TMEM132D: variants seen among roughly 807,000 people sequenced by gnomAD.
TMEM132D encodes the protein mature OL transmembrane protein.
A neutral mutation model predicts 62.3 loss-of-function variants in TMEM132D; 21 were observed. The observed-to-expected ratio is 0.34, with a 90% CI of 0.24 to 0.49. The LOEUF is 0.49. Ranked by LOEUF, TMEM132D falls within the 20% of genes least tolerant of loss-of-function variation. The pLI, the probability that TMEM132D is intolerant of heterozygous loss-of-function variation, is 0.99. For synonymous variants in TMEM132D, 621 were observed against 575.6 expected (o/e 1.08, Z -1.13); for missense variants, 1,346 against 1,402.8 (o/e 0.96, Z 0.65).
At chr12:129,304,492 C>G (rs770030265) in intron 4 of TMEM132D, among the ~76,000 whole-genome samples, 6 of 151,944 alleles carry the variant, frequency 3.9e-5, no homozygotes, top group Non-Finnish European at 7.4e-5. Context: ...TCCTACAATA[C>G]CATGCAAAGT....
chr12:129,272,686 T>G (rs1367806442), intron 4 of TMEM132D, among the ~76,000 whole-genome samples: 2 of 151,746 alleles, frequency 1.3e-5, no homozygotes, highest in African/African-American at 2.4e-5. Flanking sequence ...ATATTAGACC[T>G]TAATTGGAGG....
intron 1 of TMEM132D, among the ~76,000 whole-genome samples, chr12:129,825,710 C>T (rs144045390): frequency 3.9e-5 from 6 of 152,228 alleles, no homozygotes; most frequent in African/African-American, 1.2e-4. Context: ...GCCCTCGGGA[C>T]GCCCACTGTG....
intron 2 of TMEM132D, among the ~76,000 whole-genome samples, chr12:129,553,219 C>A (rs764354314): frequency 1.3e-5 from 2 of 152,094 alleles, no homozygotes; most frequent in African/African-American, 2.4e-5. Flanking sequence ...ACTGCTGCCC[C>A]GATGCCCAGC....
At chr12:129,742,351 C>T (rs1383500599) in intron 1 of TMEM132D, among the ~76,000 whole-genome samples, 1 of 152,064 alleles carries the variant, frequency 6.6e-6, no homozygotes, top group Non-Finnish European at 1.5e-5. Flanking sequence ...GAAGAGGGAG[C>T]CAACATGTCA....
chr12:129,898,168 C>T (rs981491211), intron 1 of TMEM132D, among the ~76,000 whole-genome samples: 37 of 152,176 alleles, frequency 2.4e-4, no homozygotes, highest in Admixed American at 2.1e-3. Flanking sequence ...AAAGTATTTC[C>T]TGCGGCGCTC....
At chr12:129,582,885 A>G (rs1877914702) in intron 2 of TMEM132D, among the ~76,000 whole-genome samples, 1 of 151,864 alleles carries the variant, frequency 6.6e-6, no homozygotes, top group Non-Finnish European at 1.5e-5. Flanking sequence ...TCGGCCTCCC[A>G]AAGTGCTGGG....
chr12:129,405,459 T>C (rs531623500), intron 3 of TMEM132D, among the ~76,000 whole-genome samples: 1 of 152,200 alleles, frequency 6.6e-6, no homozygotes, highest in East Asian at 1.9e-4. Flanking sequence ...CTATTAGGGA[T>C]TGAACAAATA....
intron 4 of TMEM132D, among the ~76,000 whole-genome samples, chr12:129,311,025 C>T (rs1881960818): frequency 2.1e-5 from 2 of 96,156 alleles, no homozygotes; most frequent in East Asian, 5.1e-4. Flanking sequence ...GGTGAAACCC[C>T]GTCTCTACTA....
chr12:129,854,984 C>T (rs1047484127), intron 1 of TMEM132D: 4 of 152,418 alleles, frequency 2.6e-5, no homozygotes, highest in African/African-American at 7.2e-5. Flanking sequence ...ATGTTTATGC[C>T]CCTCCCCCAA....
intron 5 of TMEM132D, among the ~76,000 whole-genome samples, chr12:129,197,309 G>A (rs1000674898): frequency 1.3e-5 from 2 of 152,126 alleles, no homozygotes; most frequent in Non-Finnish European, 2.9e-5. Flanking sequence ...AGAGTTTGCC[G>A]ACCCCTATTC....
At chr12:129,421,931 G>C (rs1308728805) in intron 3 of TMEM132D, among the ~76,000 whole-genome samples, 2 of 152,082 alleles carry the variant, frequency 1.3e-5, no homozygotes, top group Admixed American at 1.3e-4. Flanking sequence ...GCACAGGTGT[G>C]TGTCTACCAA....
intron 1 of TMEM132D, among the ~76,000 whole-genome samples, chr12:129,708,905 G>GA (rs1881571360): frequency 6.6e-6 from 1 of 152,092 alleles, no homozygotes; most frequent in South Asian, 2.1e-4. Flanking sequence ...ATAATACGTT[G>GA]AAAAACCACA....
Position 129,687,099 on chromosome 12 carries a change from G to GT in TMEM132D, c.968+12710dup, listed in dbSNP as rs529074808. ...TGCAAGGTTGTCCTGAGTACTGTCT[G>GT]TATCAGCCTGCAGAGTCTCCGGGGC... On this transcript the variant is annotated intron_variant, in intron 2 of 8. Transcript: ENST00000422113. Among the ~76,000 whole-genome samples, 12 of 152,296 alleles carry GT rather than the reference G, an allele frequency of 7.9e-5. No individual in the cohort carries two copies. The South Asian group carries it at 2.3e-3, about 29-fold the overall frequency.
intron 2 of TMEM132D, among the ~76,000 whole-genome samples, chr12:129,575,099 T>TA (rs1214154530): frequency 6.6e-6 from 1 of 151,822 alleles, no homozygotes; most frequent in Admixed American, 6.6e-5. Context: ...GAAGATGCTT[T>TA]GCAGAAGGAT....
At chr12:129,099,637 C>T (rs1249249834) in intron 5 of TMEM132D, among the ~76,000 whole-genome samples, 1 of 152,200 alleles carries the variant, frequency 6.6e-6, no homozygotes, top group Non-Finnish European at 1.5e-5. Flanking sequence ...AGTTCCACCT[C>T]CAGACGGCTC....
chr12:129,215,143 G>A (rs1056184179), intron 4 of TMEM132D, among the ~76,000 whole-genome samples: 6 of 152,218 alleles, frequency 3.9e-5, no homozygotes, highest in African/African-American at 1.4e-4. Flanking sequence ...AAAAGAATGA[G>A]ATCATGTCCT....
intron 3 of TMEM132D, among the ~76,000 whole-genome samples, chr12:129,446,941 C>G (rs138635651): frequency 6.6e-6 from 1 of 152,162 alleles, no homozygotes; most frequent in Non-Finnish European, 1.5e-5. Context: ...TATTAGCAAG[C>G]ACACAGCAAA....
intron 1 of TMEM132D, among the ~76,000 whole-genome samples, chr12:129,788,561 G>A (rs1871306736): frequency 6.6e-6 from 1 of 152,200 alleles, no homozygotes; most frequent in African/African-American, 2.4e-5. Context: ...CAACGTGGAT[G>A]TCTCAAGTAT....
rs1291463794 is a variant in TMEM132D, at chr12:129,779,491, C to T, written c.80-78793G>A. On this transcript the variant is annotated intron_variant, in intron 1 of 8. Coordinates refer to ENST00000422113, the MANE Select transcript of TMEM132D (RefSeq NM_133448.3). The surrounding 1 kb of genome is among the most constrained non-coding windows in gnomAD (Gnocchi z 4.1). ...GAGATGAGGTCTCATCATATTGTCCCAGGCTGGTCTCAAACTCATGGACTC... is the reference window on the plus strand; with the variant it reads ...GAGATGAGGTCTCATCATATTGTCCTAGGCTGGTCTCAAACTCATGGACTC... Among the ~76,000 whole-genome samples the T allele has an allele frequency of 6.6e-6, 1 of 152,186 alleles. No individual in the cohort carries two copies. The highest frequency in any genetic ancestry group is 1.9e-4 in the East Asian group (1 of 5,192).
Sources: allele counts gnomAD v4.1 joint callset (sites outside exome capture counted in the v4.1 genomes callset), GRCh38; gene constraint gnomAD v4.1.1; non-coding constraint Gnocchi (gnomAD v3.1); transcripts MANE v1.5; gene names NCBI Gene and HGNC (gene_info 2026-07-23, HGNC 2026-07-21).